The following ALK variants were observed in gnomAD, a reference collection of about 807,000 sequenced individuals.
ALK encodes the protein ALK tyrosine kinase receptor.
A neutral mutation model predicts 163.1 loss-of-function variants in ALK; 74 were observed. That is an observed-to-expected ratio of 0.45 (90% CI 0.38 to 0.55). The LOEUF is 0.55. Ranked by LOEUF, ALK falls within the 20% of genes least tolerant of loss-of-function variation. The probability of loss-of-function intolerance (pLI) is 0.00; values close to 1 mark genes in which losing one functional copy is unlikely to be tolerated. For missense variants in ALK, 2,063 were observed against 2,105.3 expected (o/e 0.98, Z 0.39); for synonymous variants, 960 against 843.2 (o/e 1.14, Z -2.40).
At chr2:29,307,020 G>A (rs116287250) in intron 8 of ALK, among the ~76,000 whole-genome samples, 47 of 152,352 alleles carry the variant, frequency 3.1e-4, no homozygotes, top group Middle Eastern at 3.4e-3. Flanking sequence ...TTAAAGTCCT[G>A]TATGTAAAGC....
chr2:29,426,359 A>G (rs754397924), intron 4 of ALK, among the ~76,000 whole-genome samples: 4 of 152,176 alleles, frequency 2.6e-5, no homozygotes, highest in African/African-American at 7.2e-5. Context: ...CCACACACAG[A>G]CTCATGGTAA....
intron 2 of ALK, among the ~76,000 whole-genome samples, chr2:29,715,692 G>A (rs1679229137): frequency 6.6e-6 from 1 of 152,162 alleles, no homozygotes; most frequent in African/African-American, 2.4e-5. Context: ...GAATGACTTT[G>A]GGAGCAAAAT....
rs145202243 is a variant in ALK at position 29,303,687 on chromosome 2, G to C, written c.1648-6630C>G. Among the ~76,000 whole-genome samples the C allele has an allele frequency of 3.0e-3, 450 of 152,276 alleles. 3 individuals carry two copies. The highest frequency in any genetic ancestry group is 0.01 in the African/African-American group (427 of 41,558). ...GAAAATGTGGTACATATATACCATG[G>C]AATACTACAGAGCCATAAAAAAGAA... On this transcript the variant is annotated intron_variant, in intron 8 of 28. Coordinates refer to ENST00000389048, the MANE Select transcript of ALK (RefSeq NM_004304.5).
rs1668941922 is a variant in ALK at position 29,193,643 on chromosome 2, G to C, written c.4444C>G (p.Gln1482Glu). The change falls in exon 29 of 29, where the codon CAG becomes GAG. Residue 1482 changes from glutamine (Q) to glutamate (E), a missense_variant. Gln to Glu is a conservative substitution (Grantham distance 29, BLOSUM62 2). This residue lies in a region of ALK where 403 missense variants were observed against 366.2 expected (regional missense o/e 1.10). Coordinates refer to ENST00000389048, the MANE Select transcript of ALK (RefSeq NM_004304.5). ...EGGHVNMAFS[Q>E]SNPPSELHKV... ...TGCAACTCCGAAGGAGGGTTGGACT[G>C]AGAGAATGCCATATTCACGTGTCCC... is the stretch of plus-strand genomic sequence containing the variant. 1 of 1,614,138 alleles carries C rather than the reference G, an allele frequency of 6.2e-7. No individual in the cohort carries two copies. Among genetic ancestry groups the C allele is most frequent in the South Asian group, 1.1e-5 (1 of 91,092 alleles).
At position 29,762,802 on chromosome 2, in the gene ALK, G is replaced by A. The variant is rs180800584; in HGVS notation, c.668-45105C>T. 7.7e-4 allele frequency among the ~76,000 whole-genome samples: 117 copies of A among 152,232 alleles called. 1 individual carries two copies. Among genetic ancestry groups the A allele is most frequent in the African/African-American group, 2.7e-3 (112 of 41,554 alleles). On this transcript the variant is annotated intron_variant, in intron 1 of 28. Transcript: ENST00000389048. Reference sequence around the variant, plus strand: ...ATGGCAGGGCCTCTTTAAAAGAAAGGGATTGGCTGGGCGCAGTGGCTCACG... The same window carrying A: ...ATGGCAGGGCCTCTTTAAAAGAAAGAGATTGGCTGGGCGCAGTGGCTCACG...
intron 1 of ALK, among the ~76,000 whole-genome samples, chr2:29,732,092 A>G (rs928772346): frequency 2.0e-5 from 3 of 152,210 alleles, no homozygotes; most frequent in Non-Finnish European, 4.4e-5. Flanking sequence ...ACATATCACT[A>G]CCTCCATAAA....
chr2:29,920,251 G>C lies in ALK; in HGVS notation c.409C>G (p.Arg137Gly), dbSNP rs757382067. 3.1e-6 allele frequency: 5 copies of C among 1,606,566 alleles called. No individual in the cohort carries two copies. In the East Asian group the frequency reaches 1.1e-4, roughly 36 times the overall value. ...AGCTCCAGCACCAACTGCTTGGCAC[G>C]CCGGAGCTTGCGCACGGAGCCGCCC... ...LKGGSVRKLR[R>G]AKQLVLELGE... The change falls in exon 1 of 29, where the codon CGT becomes GGT. Residue 137 changes from arginine (R) to glycine (G), a missense_variant. Physicochemically the swap from Arg to Gly is moderately radical, Grantham distance 125. Around this residue, in one of 5 missense-constraint regions of ALK, gnomAD observed 987 missense variants for 939.5 expected, o/e 1.05. Coordinates refer to ENST00000389048, the MANE Select transcript of ALK (RefSeq NM_004304.5).
chr2:29,307,413 G>A (rs1026864072), intron 8 of ALK, among the ~76,000 whole-genome samples: 1 of 152,190 alleles, frequency 6.6e-6, no homozygotes, highest in African/African-American at 2.4e-5. Flanking sequence ...ATTTTTAACA[G>A]AGATGCTCAA....
chr2:29,898,483 C>T (rs1462955677), intron 1 of ALK, among the ~76,000 whole-genome samples: 1 of 152,222 alleles, frequency 6.6e-6, no homozygotes, highest in Non-Finnish European at 1.5e-5. Flanking sequence ...ACAATCATGG[C>T]TGTAATGGTG....
At chr2:29,481,654 T>A (rs543437689) in intron 4 of ALK, among the ~76,000 whole-genome samples, 1 of 152,298 alleles carries the variant, frequency 6.6e-6, no homozygotes, top group African/African-American at 2.4e-5. Flanking sequence ...CACTAAAGTC[T>A]TTTCAGTTTT....
chr2:29,432,153 T>G (rs1001153007), intron 4 of ALK, among the ~76,000 whole-genome samples: 2 of 152,166 alleles, frequency 1.3e-5, no homozygotes, highest in African/African-American at 2.4e-5. Context: ...TTTGGATGTT[T>G]TGTCCCCTCC....
At chr2:29,707,381 C>A (rs529223235) in intron 2 of ALK, among the ~76,000 whole-genome samples, 83 of 152,232 alleles carry the variant, frequency 5.5e-4, no homozygotes, top group African/African-American at 2.0e-3. Context: ...GGGAAGGGTC[C>A]CAGTCCAGTT....
At chr2:29,351,474 C>T (rs1296204002) in intron 5 of ALK, among the ~76,000 whole-genome samples, 2 of 152,194 alleles carry the variant, frequency 1.3e-5, no homozygotes, top group Admixed American at 6.5e-5. Context: ...CAGTCCTCTG[C>T]TCAGAGTTCC....
At chr2:29,318,484 A>G in intron 7 of ALK, 80 bp from the exon 8 acceptor site, 1 of 988,676 alleles carries the variant, frequency 1.0e-6, no homozygotes, top group Non-Finnish European at 1.6e-6. Context: ...TGGACTGTGC[A>G]CAGTTCTTAT....
chr2:29,322,027 G>A (rs1295805487), intron 6 of ALK, among the ~76,000 whole-genome samples: 1 of 152,184 alleles, frequency 6.6e-6, no homozygotes, highest in Non-Finnish European at 1.5e-5. Context: ...TCCAGGAAAG[G>A]CACTCAGCCC....
At chr2:29,656,984 C>T (rs1471577018) in intron 3 of ALK, among the ~76,000 whole-genome samples, 1 of 152,158 alleles carries the variant, frequency 6.6e-6, no homozygotes, top group Middle Eastern at 3.2e-3. Flanking sequence ...CTAGAAAGCA[C>T]CCATGCAAAA....
chr2:29,375,949 T>TA (rs879606310), intron 5 of ALK, among the ~76,000 whole-genome samples: 1 of 152,150 alleles, frequency 6.6e-6, no homozygotes, highest in Non-Finnish European at 1.5e-5. Context: ...GACATCAGCC[T>TA]AATGGCCAAG....
chr2:29,848,448 A>G (rs1453341382), intron 1 of ALK, among the ~76,000 whole-genome samples: 6 of 152,052 alleles, frequency 3.9e-5, no homozygotes, highest in African/African-American at 1.4e-4. Flanking sequence ...CTTTCTAACC[A>G]TACCACCTTC....
At position 29,275,157 on chromosome 2, in the gene ALK, G is replaced by T. The variant is rs758860363; in HGVS notation, c.1983C>A (p.Asn661Lys). The change falls in exon 11 of 29, where the codon AAC (asparagine) becomes AAA (lysine). Residue 661 changes from asparagine to lysine, a missense_variant. Physicochemically the swap from Asn to Lys is moderately conservative, Grantham distance 94. Coordinates refer to ENST00000389048, the MANE Select transcript of ALK (RefSeq NM_004304.5). Reference protein sequence around the residue: ...KSRNLFERNPNKELKPGENSP... With the variant: ...KSRNLFERNPKKELKPGENSP... ...AATTTTCCCCGGGTTTCAGCTCCTT[G>T]TTTGGGTTTCTCTCAAACAGGTTTC... The T allele has an allele frequency of 6.2e-6, 10 of 1,614,026 alleles. No individual in the cohort carries two copies. In the African/African-American group the frequency reaches 1.2e-4, roughly 19 times the overall value.
Sources: allele counts gnomAD v4.1 joint callset (sites outside exome capture counted in the v4.1 genomes callset), GRCh38; gene constraint gnomAD v4.1.1; regional missense constraint gnomAD v4.1.1; transcripts MANE v1.5; gene names NCBI Gene and HGNC (gene_info 2026-07-23, HGNC 2026-07-21).